Variants in RBM4B observed in about 807,000 individuals in gnomAD.
RBM4B encodes RNA binding motif protein 4B, also known as RNA-binding protein 4B.
A neutral mutation model predicts 28.5 loss-of-function variants in RBM4B; 13 were observed. That is an observed-to-expected ratio of 0.46 (90% CI 0.30 to 0.72). The LOEUF (loss-of-function observed/expected upper bound fraction) is 0.72, where lower values mean the gene tolerates loss of function less well. RBM4B is among the 30% of genes least tolerant of loss of function. The pLI is 0.09. For missense variants in RBM4B, 387 were observed against 477.6 expected (o/e 0.81, Z 1.77); for synonymous variants, 167 against 179.1 (o/e 0.93, Z 0.54).
At chr11:66,674,291 T>G (rs478807) in intron 2 of RBM4B, among the ~76,000 whole-genome samples, 8,230 of 150,372 alleles carry the variant, frequency 0.055, 319 homozygotes, top group East Asian at 0.12. Context: ...TGGCATGATC[T>G]CGGCTCACTG....
chr11:66,669,060 T>C lies in RBM4B; in HGVS notation c.644A>G (p.Tyr215Cys), dbSNP rs746641399. Reference sequence around the variant, plus strand: ...TCGCTTATAGTAGTCGAGTGCTCCATATGCATCGTTGTAATACATGGATTC... The same window carrying C: ...TCGCTTATAGTAGTCGAGTGCTCCACATGCATCGTTGTAATACATGGATTC... The part of the protein sequence containing the change: ...YGESMYYNDA[Y>C]GALDYYKRYR... Residue 215 changes from tyrosine (Y) to cysteine (C), a missense_variant, in exon 3 of 4, where the codon TAT becomes TGT. Around this residue, in one of 2 missense-constraint regions of RBM4B, gnomAD observed 226 missense variants for 220.6 expected, o/e 1.02. Coordinates refer to ENST00000310046, the MANE Select transcript of RBM4B (RefSeq NM_031492.4). 3.7e-6 allele frequency: 6 copies of C among 1,614,192 alleles called. No individual in the cohort carries two copies. Among genetic ancestry groups the C allele is most frequent in the South Asian group, 2.2e-5 (2 of 91,084 alleles).
At chr11:66,672,225 G>A (rs773777723) in intron 2 of RBM4B, among the ~76,000 whole-genome samples, 52 of 151,370 alleles carry the variant, frequency 3.4e-4, no homozygotes, top group Non-Finnish European at 6.2e-4. Flanking sequence ...TGGCCAACAT[G>A]GTGAAACCCC....
At chr11:66,673,930 A>G (rs1001439939) in intron 2 of RBM4B, among the ~76,000 whole-genome samples, 17 of 152,240 alleles carry the variant, frequency 1.1e-4, no homozygotes, top group Admixed American at 7.2e-4. Flanking sequence ...AGCTAGTTAT[A>G]AAAACGTCTC....
At chr11:66,674,591 A>G (rs1007914320) in intron 2 of RBM4B, among the ~76,000 whole-genome samples, 2 of 146,694 alleles carry the variant, frequency 1.4e-5, no homozygotes, top group Admixed American at 1.4e-4. Flanking sequence ...CTTTTTTGAG[A>G]AGGAGTCTCG....
At chr11:66,677,643 T>C (rs1939682959) in intron 1 of RBM4B, 121 bp downstream of exon 1, 1 of 155,490 alleles carries the variant, frequency 6.4e-6, no homozygotes, top group Non-Finnish European at 1.4e-5. Context: ...CTCCTCCCGT[T>C]GTCTTCCCAG....
chr11:66,672,749 G>C (rs1207765105), intron 2 of RBM4B, among the ~76,000 whole-genome samples: 1 of 152,060 alleles, frequency 6.6e-6, no homozygotes, highest in Non-Finnish European at 1.5e-5. Context: ...CGCCTGTCTC[G>C]GCCTCCCAAA....
intron 2 of RBM4B, among the ~76,000 whole-genome samples, chr11:66,669,792 C>T (rs116739473): frequency 0.011 from 1,718 of 152,348 alleles, 36 homozygotes; most frequent in African/African-American, 0.04. Flanking sequence ...TTTGATTCCT[C>T]AGAGACCAGT....
chr11:66,669,632 G>A (rs1347541129), intron 2 of RBM4B, among the ~76,000 whole-genome samples: 1 of 152,208 alleles, frequency 6.6e-6, no homozygotes, highest in Non-Finnish European at 1.5e-5. Flanking sequence ...TTTTAGTAGA[G>A]ACAGGGTTTC....
chr11:66,668,521 G>A (rs1326611867), intron 3 of RBM4B, 94 bp downstream of exon 3: 38 of 943,730 alleles, frequency 4.0e-5, no homozygotes, highest in Non-Finnish European at 2.3e-5. Flanking sequence ...ATACTGTCCG[G>A]AGAGCACAGG....
intron 3 of RBM4B, 198 bp from the exon 4 acceptor site, chr11:66,665,776 T>G (rs923275492): frequency 2.2e-6 from 3 of 1,336,492 alleles, no homozygotes; most frequent in Non-Finnish European, 2.0e-6. Flanking sequence ...AATCCACTTA[T>G]GGCTATATAT....
rs189509416 is a variant in RBM4B, at chr11:66,677,312, T to G, written c.-12-221A>C. The G allele has an allele frequency of 1.0e-3, 588 of 586,708 alleles. 6 individuals carry two copies. In the Admixed American group the frequency reaches 0.015, roughly 15 times the overall value. The allele number at this position is 586,708 out of a possible 1,614,324, so 36.3% of individuals were successfully genotyped here. A position where few individuals can be genotyped will look rare whatever the true frequency, so the allele number is the denominator to read the frequency against. On this transcript the variant is annotated intron_variant, in intron 1 of 3. Coordinates refer to ENST00000310046, the MANE Select transcript of RBM4B (RefSeq NM_031492.4). ...TCGAGGGTCAGCATGCATAGCCCAG[T>G]CTATCATCTCCGTGAAGTGGAGCGC...
Position 66,677,089 on chromosome 11 carries a change from A to G in RBM4B, c.-10T>C. 6.2e-7 allele frequency: 1 copy of G among 1,609,830 alleles called. No individual in the cohort carries two copies. Among genetic ancestry groups the G allele is most frequent in the Non-Finnish European group, 8.5e-7 (1 of 1,176,596 alleles). ...TGAACAGCTTCACCATCCTGACAAGAGCCTGGGAGAGAAACACAAGACTTC... is the reference window on the plus strand; with the variant it reads ...TGAACAGCTTCACCATCCTGACAAGGGCCTGGGAGAGAAACACAAGACTTC... On this transcript the variant is annotated splice_region_variant and 5_prime_UTR_variant, in exon 2 of 4. Transcript: ENST00000310046.
chr11:66,671,701 T>C (rs1443170914), intron 2 of RBM4B, among the ~76,000 whole-genome samples: 2 of 152,162 alleles, frequency 1.3e-5, no homozygotes, highest in Admixed American at 6.5e-5. Context: ...AATCTACCTC[T>C]GTGTAGTTGT....
intron 2 of RBM4B, 106 bp from the exon 3 acceptor site, chr11:66,669,397 C>T: frequency 9.2e-7 from 1 of 1,081,332 alleles, no homozygotes; most frequent in Non-Finnish European, 1.3e-6. Context: ...CATAGACGCA[C>T]ACACCTGTGA....
At chr11:66,669,524 G>A (rs1293226837) in intron 2 of RBM4B, among the ~76,000 whole-genome samples, 2 of 151,590 alleles carry the variant, frequency 1.3e-5, no homozygotes, top group East Asian at 1.9e-4. Context: ...TCAGCTCACC[G>A]CAACCTCCAC....
chr11:66,668,580 A>C, intron 3 of RBM4B, 35 bp downstream of exon 3: 2 of 1,524,502 alleles, frequency 1.3e-6, no homozygotes, highest in Admixed American at 3.6e-5. Context: ...AGGGAACTAA[A>C]TGGAATCTTT....
chr11:66,670,192 G>A (rs958106679), intron 2 of RBM4B, among the ~76,000 whole-genome samples: 5 of 152,086 alleles, frequency 3.3e-5, no homozygotes, highest in African/African-American at 1.2e-4. Context: ...ATCTCTGGGA[G>A]TTATAAGACC....
In RBM4B at chr11:66,676,594, C is replaced by A. The variant is rs920374799; in HGVS notation, c.412+74G>T. On this transcript the variant is annotated intron_variant, in intron 2 of 3. Transcript: ENST00000310046. ...AATGGAAGAGACCACCCAGCAAGTT[C>A]TATAGTCTTGTGTTCTTGCCTGTTT... 4 of 1,532,654 alleles carry A rather than the reference C, an allele frequency of 2.6e-6. No individual in the cohort carries two copies. The African/African-American group carries it at 5.5e-5, about 21-fold the overall frequency. 94.9% of individuals were successfully genotyped at this position (1,532,654 alleles called of 1,614,324 possible).
chr11:66,671,075 T>C (rs1186452849), intron 2 of RBM4B: 30 of 699,154 alleles, frequency 4.3e-5, no homozygotes, highest in Non-Finnish European at 7.6e-5. Flanking sequence ...AATATCACTT[T>C]AGTCAAATTC....
Sources: allele counts gnomAD v4.1 joint callset (sites outside exome capture counted in the v4.1 genomes callset), GRCh38; gene constraint gnomAD v4.1.1; regional missense constraint gnomAD v4.1.1; transcripts MANE v1.5; gene names NCBI Gene and HGNC (gene_info 2026-07-23, HGNC 2026-07-21).